The following SOX5 variants were observed in gnomAD, a reference collection of about 807,000 sequenced individuals.
SOX5 encodes transcription factor SOX-5.
In SOX5, 9 loss-of-function variants were observed where a neutral mutation model predicts 92.0. That is an observed-to-expected ratio of 0.10 (90% CI 0.06 to 0.17). SOX5 has a LOEUF of 0.17. SOX5 is among the 10% of genes least tolerant of loss of function. The pLI is 1.00. For missense variants in SOX5, 642 were observed against 944.5 expected (o/e 0.68, Z 4.20); for synonymous variants, 344 against 336.3 (o/e 1.02, Z -0.25).
intron 4 of SOX5, among the ~76,000 whole-genome samples, chr12:24,040,233 G>C (rs1956391267): frequency 6.6e-6 from 1 of 152,158 alleles, no homozygotes; most frequent in Non-Finnish European, 1.5e-5. Flanking sequence ...ACAGAATTCA[G>C]TATTGAAAAT....
intron 2 of SOX5, among the ~76,000 whole-genome samples, chr12:23,862,680 C>T (rs1182977949): frequency 2.0e-5 from 3 of 152,224 alleles, no homozygotes; most frequent in Non-Finnish European, 4.4e-5. Flanking sequence ...TACGTTTTGC[C>T]TTATTCTTTC....
chr12:24,146,632 G>A (rs1005125666), intron 4 of SOX5, among the ~76,000 whole-genome samples: 14 of 145,866 alleles, frequency 9.6e-5, no homozygotes, highest in Middle Eastern at 3.7e-3. Context: ...TAAATTCAAT[G>A]AAACAAAAAA....
At chr12:23,687,749 A>T (rs1476679061) in intron 6 of SOX5, among the ~76,000 whole-genome samples, 1 of 152,016 alleles carries the variant, frequency 6.6e-6, no homozygotes, top group East Asian at 1.9e-4. Flanking sequence ...AATGAGCTCA[A>T]TCTATAATAA....
chr12:24,203,128 T>C (rs1479462463), intron 4 of SOX5, among the ~76,000 whole-genome samples: 2 of 152,186 alleles, frequency 1.3e-5, no homozygotes, highest in Non-Finnish European at 2.9e-5. Context: ...ACTTATTTAT[T>C]TGTTCAATAC....
At chr12:23,967,402 A>C (rs1161485881) in intron 4 of SOX5, among the ~76,000 whole-genome samples, 1 of 152,054 alleles carries the variant, frequency 6.6e-6, no homozygotes, top group Non-Finnish European at 1.5e-5. Flanking sequence ...AATATGCAAA[A>C]TATTTTAAGT....
intron 1 of SOX5, among the ~76,000 whole-genome samples, chr12:23,926,839 A>G (rs1940093618): frequency 6.6e-6 from 1 of 152,064 alleles, no homozygotes; most frequent in Non-Finnish European, 1.5e-5. Flanking sequence ...CAAAATACTT[A>G]GATTGCAAGG....
chr12:23,762,601 T>A (rs1275420999), intron 3 of SOX5: 5 of 494,000 alleles, frequency 1.0e-5, no homozygotes, highest in Non-Finnish European at 1.4e-5. Context: ...TGAGAGCCTG[T>A]TAATACAAAA....
At chr12:24,012,988 G>GA (rs1286914944) in intron 4 of SOX5, among the ~76,000 whole-genome samples, 2 of 152,130 alleles carry the variant, frequency 1.3e-5, no homozygotes, top group Admixed American at 6.6e-5. Context: ...TCATTCCCAT[G>GA]AAAGATTAAT....
intron 3 of SOX5, among the ~76,000 whole-genome samples, chr12:23,805,594 A>G (rs1238152679): frequency 6.6e-6 from 1 of 152,194 alleles, no homozygotes; most frequent in East Asian, 1.9e-4. Flanking sequence ...TATGCATTTT[A>G]TACAACCCAA....
chr12:23,832,554 G>A (rs1203352562), intron 3 of SOX5, among the ~76,000 whole-genome samples: 1 of 151,902 alleles, frequency 6.6e-6, no homozygotes, highest in Admixed American at 6.6e-5. Context: ...ATGTTTCAAG[G>A]TAGCCAGGGT....
chr12:23,586,900 C>A (rs1950829579), intron 9 of SOX5, among the ~76,000 whole-genome samples: 1 of 150,308 alleles, frequency 6.7e-6, no homozygotes, highest in Non-Finnish European at 1.5e-5. Flanking sequence ...CAGTATAGGT[C>A]TATTTAAATA....
chr12:24,304,755 C>T (rs1023196644), intron 2 of SOX5, among the ~76,000 whole-genome samples: 1 of 152,140 alleles, frequency 6.6e-6, no homozygotes, highest in Non-Finnish European at 1.5e-5. Context: ...GTCAAGCCTG[C>T]TCTCCTCTCA....
intron 3 of SOX5, among the ~76,000 whole-genome samples, chr12:24,229,097 C>A (rs930966085): frequency 5.3e-5 from 8 of 152,202 alleles, no homozygotes; most frequent in Non-Finnish European, 1.0e-4. Context: ...GTAGTGCAGC[C>A]ACACCACCTG....
At chr12:24,460,416 A>G (rs2137470000) in intron 1 of SOX5, among the ~76,000 whole-genome samples, 1 of 152,368 alleles carries the variant, frequency 6.6e-6, no homozygotes, top group African/African-American at 2.4e-5. Flanking sequence ...AGTAACAAAA[A>G]GGACTTCAGC....
chr12:24,539,209 C>A (rs967405556), intron 1 of SOX5, among the ~76,000 whole-genome samples: 3 of 151,982 alleles, frequency 2.0e-5, no homozygotes, highest in Non-Finnish European at 4.4e-5. Context: ...CCTACATAAA[C>A]CCTGTGTTTA....
intron 1 of SOX5, among the ~76,000 whole-genome samples, chr12:24,513,879 A>G (rs1949543263): frequency 6.6e-6 from 1 of 152,244 alleles, no homozygotes; most frequent in Non-Finnish European, 1.5e-5. Context: ...CTCATTCTGT[A>G]TAAAAAGACT....
intron 3 of SOX5, among the ~76,000 whole-genome samples, chr12:24,241,657 C>A (rs1325083477): frequency 6.6e-6 from 1 of 152,158 alleles, no homozygotes; most frequent in Non-Finnish European, 1.5e-5. Context: ...GAAAAATGTA[C>A]TTCACTTTCC....
intron 2 of SOX5, among the ~76,000 whole-genome samples, chr12:24,352,322 T>C (rs1399798038): frequency 6.6e-6 from 1 of 152,180 alleles, no homozygotes; most frequent in Non-Finnish European, 1.5e-5. Flanking sequence ...ATAGATTATA[T>C]ATTGATTATA....
At chr12:23,921,513 G>A (rs1050664288) in intron 1 of SOX5, among the ~76,000 whole-genome samples, 1 of 152,134 alleles carries the variant, frequency 6.6e-6, no homozygotes, top group African/African-American at 2.4e-5. Flanking sequence ...GTTTCCCTTA[G>A]AAGCAAAGGT....
Sources: gnomAD v4.1 joint callset for allele counts (sites outside exome capture counted in the v4.1 genomes callset) on GRCh38, gnomAD v4.1.1 for gene constraint, MANE v1.5 for transcripts, NCBI Gene and HGNC (gene_info 2026-07-23, HGNC 2026-07-21) for gene names.